IL13RA1: variants seen among roughly 807,000 people sequenced by gnomAD.
IL13RA1 encodes the protein interleukin-13 receptor subunit alpha-1.
A neutral mutation model predicts 33.8 loss-of-function variants in IL13RA1; 14 were observed. The observed-to-expected ratio is 0.41, with a 90% confidence interval of 0.27 to 0.65. The LOEUF is 0.65. Among genes scored for constraint, IL13RA1 ranks in the 30% least tolerant of loss-of-function variants. IL13RA1 has a pLI of 0.28. For missense variants in IL13RA1, 313 were observed against 327.0 expected, an observed-to-expected ratio of 0.96 and a Z score of 0.33; for synonymous variants, 116 against 115.7, an observed-to-expected ratio of 1.00 and a Z score of -0.02.
chrX:118,786,582 G>A (rs1428978061), intron 10 of IL13RA1, among the ~76,000 whole-genome samples: 1 of 111,522 alleles, frequency 9.0e-6, no homozygotes, highest in African/African-American at 3.3e-5. Context: ...CTTTTAGAAG[G>A]AGGCTTGATT....
chrX:118,750,362 A>G (rs1488755466), intron 4 of IL13RA1, among the ~76,000 whole-genome samples: 1 of 110,072 alleles, frequency 9.1e-6, no homozygotes, highest in Non-Finnish European at 1.9e-5. Context: ...ATGGAATCCT[A>G]TAGTATATAA....
chrX:118,736,655 A>G (rs2017286143), intron 1 of IL13RA1, among the ~76,000 whole-genome samples: 1 of 111,605 alleles, frequency 9.0e-6, no homozygotes, highest in Admixed American at 9.6e-5. Context: ...TGCCCAGGCT[A>G]GAGTGCAGTG....
At chrX:118,803,928 CTCT>C in the IL13RA1 span, among the ~76,000 whole-genome samples, 9 of 85,333 alleles carry the variant, frequency 1.1e-4, no homozygotes, top group East Asian at 3.6e-4. Flanking sequence ...CTTCCTCTCT[CTCT>C]TTTTTTTCTT....
At chrX:118,778,878 A>G (rs5957059) in intron 10 of IL13RA1, among the ~76,000 whole-genome samples, 3,371 of 111,780 alleles carry the variant, frequency 0.03, 149 homozygotes, top group African/African-American at 0.1. Flanking sequence ...TGGAGCCCCA[A>G]TGAGGTTAAG....
chrX:118,773,701 CT>C (rs3838204), intron 8 of IL13RA1, among the ~76,000 whole-genome samples, 177 bp from the exon 9 acceptor site: 31,176 of 104,776 alleles, frequency 0.3, 4,283 homozygotes, highest in African/African-American at 0.49. Flanking sequence ...CAGAGGAGGA[CT>C]TTTTTTTTTT....
intron 8 of IL13RA1, among the ~76,000 whole-genome samples, chrX:118,769,082 T>C (rs2017681900): frequency 8.9e-6 from 1 of 112,089 alleles, no homozygotes; most frequent in Non-Finnish European, 1.9e-5. Context: ...AACCTAACCT[T>C]AGAAATGACA....
chrX:118,751,925 A>ACAC (rs2017474506), intron 4 of IL13RA1, among the ~76,000 whole-genome samples: 1 of 107,556 alleles, frequency 9.3e-6, no homozygotes, highest in Non-Finnish European at 1.9e-5. Context: ...AAAAAGTAAC[A>ACAC]CACATTTTTG....
chrX:118,784,425 G>T (rs2017894143), intron 10 of IL13RA1, among the ~76,000 whole-genome samples: 1 of 110,256 alleles, frequency 9.1e-6, no homozygotes, highest in Non-Finnish European at 1.9e-5. Context: ...GTATTTGAAT[G>T]TAACAAATGA....
At chrX:118,801,011 A>T in the IL13RA1 span, among the ~76,000 whole-genome samples, 5 of 111,344 alleles carry the variant, frequency 4.5e-5, no homozygotes, top group Non-Finnish European at 7.5e-5. Context: ...GCTGATGTTG[A>T]ACTCCTGGGC....
intron 4 of IL13RA1, among the ~76,000 whole-genome samples, chrX:118,750,000 C>G (rs2017452754): frequency 9.0e-6 from 1 of 111,671 alleles, no homozygotes; most frequent in African/African-American, 3.3e-5. Flanking sequence ...AAAAAATGTA[C>G]AGAGAGATCC....
At chrX:118,740,464 A>G (rs2017330071) in intron 1 of IL13RA1, among the ~76,000 whole-genome samples, 1 of 112,047 alleles carries the variant, frequency 8.9e-6, no homozygotes, top group African/African-American at 3.2e-5. Flanking sequence ...AAATTACTTC[A>G]CCTGCTTGTT....
At chrX:118,799,340 G>T (rs771601952), downstream of IL13RA1, among the ~76,000 whole-genome samples, 1 of 113,254 alleles carries the variant, frequency 8.8e-6, no homozygotes, top group Non-Finnish European at 1.9e-5. Flanking sequence ...TGAGGAATGC[G>T]AGCGCACAGT....
intron 1 of IL13RA1, among the ~76,000 whole-genome samples, chrX:118,740,657 G>C (rs968119518): frequency 7.1e-5 from 8 of 112,051 alleles, no homozygotes; most frequent in Non-Finnish European, 1.5e-4. Context: ...GCCAGGCGTG[G>C]TGGCATGTGC....
At chrX:118,748,538 C>G (rs1034493366) in intron 3 of IL13RA1, among the ~76,000 whole-genome samples, 1 of 109,415 alleles carries the variant, frequency 9.1e-6, no homozygotes, top group Non-Finnish European at 1.9e-5. Flanking sequence ...CCCAGCTACT[C>G]AGGAGGCTGA....
At chrX:118,756,535 T>TA (rs2017532114) in intron 4 of IL13RA1, among the ~76,000 whole-genome samples, 1 of 111,269 alleles carries the variant, frequency 9.0e-6, no homozygotes, top group Non-Finnish European at 1.9e-5. Context: ...AGGGCACTAA[T>TA]AATGAAGGTC....
rs770246179 is a variant in IL13RA1, at chrX:118,760,995, G to T, written c.677-143G>T. 10 of 374,074 alleles carry T rather than the reference G, an allele frequency of 2.7e-5. No homozygotes were observed. The South Asian group carries it at 5.4e-4, about 20-fold the overall frequency. The allele number at this position is 374,074 out of a possible 1,213,427, so 30.8% of individuals were successfully genotyped here. On this transcript the variant is annotated intron_variant, in intron 5 of 10. Transcript: ENST00000371666. ...AAAAACTCTGTACATGTTCAGCACA[G>T]ATGCTATTTTTTAAAAAATATTTTC... is the stretch of plus-strand genomic sequence containing the variant.
rs775043802 is a variant in IL13RA1 at position 118,749,752 on chromosome X, C to T, written c.462C>T (p.Pro154=). ...CSWLPGRNTS[P]DTNYTLYYWH... is the part of the protein sequence containing the mutation. ...GGCTCCCTGGAAGGAATACCAGTCC[C>T]GACACTAACTATACTCTCTACTATT... The change falls in exon 4 of 11, where the codon CCC becomes CCT. Residue 154 remains proline, a synonymous_variant. Transcript: ENST00000371666. 6.9e-6 allele frequency: 8 copies of T among 1,160,725 alleles called. No individual in the cohort carries two copies. The highest frequency in any genetic ancestry group is 3.6e-5 in the African/African-American group (2 of 56,011).
chrX:118,734,300 T>TA (rs2147363911), intron 1 of IL13RA1, among the ~76,000 whole-genome samples: 1 of 112,123 alleles, frequency 8.9e-6, no homozygotes, highest in East Asian at 2.8e-4. Flanking sequence ...CATCTTATTT[T>TA]AACTGGATGT....
In IL13RA1 at chrX:118,770,773, C is replaced by T. The variant is rs181463724; in HGVS notation, c.1010-3106C>T. Reference sequence around the variant, plus strand: ...CATCGCCTATGTGGTGGTCAGCTCCCTCTGCATCCTTACTGGCTTTGTCAT... The same window carrying T: ...CATCGCCTATGTGGTGGTCAGCTCCTTCTGCATCCTTACTGGCTTTGTCAT... On this transcript the variant is annotated intron_variant, in intron 8 of 10. Coordinates refer to ENST00000371666, the MANE Select transcript of IL13RA1 (RefSeq NM_001560.3). 555 of 330,819 alleles carry T rather than the reference C, an allele frequency of 1.7e-3. 1 individual carries two copies. The highest frequency in any genetic ancestry group is 2.3e-3 in the Admixed American group (71 of 30,638). 27.3% of individuals were successfully genotyped at this position (330,819 alleles called of 1,213,427 possible). A position where few individuals can be genotyped will look rare whatever the true frequency, so the allele number is the denominator to read the frequency against.
Sources: gnomAD v4.1 joint callset for allele counts (sites outside exome capture counted in the v4.1 genomes callset) on GRCh38, gnomAD v4.1.1 for gene constraint, MANE v1.5 for transcripts, NCBI Gene and HGNC (gene_info 2026-07-23, HGNC 2026-07-21) for gene names.